NAGPA: variants seen among roughly 807,000 people sequenced by gnomAD.
The protein encoded by NAGPA is alpha-N-acetylglucosaminyl phosphodiesterase.
In NAGPA, 56 loss-of-function variants were observed where a neutral mutation model predicts 48.5. That is an observed-to-expected ratio of 1.15 (90% CI 0.93 to 1.44). The LOEUF is 1.44. Among genes scored for constraint, NAGPA ranks in the 40% most tolerant of loss-of-function variants. NAGPA has a pLI of 0.00. For missense variants in NAGPA, 888 were observed against 735.0 expected, an observed-to-expected ratio of 1.21 and a Z score of -2.41; for synonymous variants, 399 against 315.5, an observed-to-expected ratio of 1.26 and a Z score of -2.81.
At chr16:5,031,663 T>A (rs1276995423) in intron 3 of NAGPA, 82 bp downstream of exon 3, 3 of 1,583,226 alleles carry the variant, frequency 1.9e-6, no homozygotes, top group African/African-American at 2.7e-5. Flanking sequence ...TCAATACTTG[T>A]TGAAAGACTT....
rs773582869 is a variant in NAGPA at position 5,033,637 on chromosome 16, C to A, written c.178G>T (p.Glu60Ter). ...GGAGGCGGAGGCCAACTCTCGTGCT[C>A]GCGGTTGCCGGCGCGCACCCGTGTG... is the stretch of plus-strand genomic sequence containing the variant. Reference protein sequence around the residue: ...DCTRVRAGNREHESWPPPPAT... With the variant: ...DCTRVRAGNR Residue 60 changes from glutamate (E) to a stop codon, truncating the protein, a stop_gained, in exon 2 of 10, where the codon GAG (glutamate) becomes TAG (stop). Coordinates refer to ENST00000312251, the MANE Select transcript of NAGPA (RefSeq NM_016256.4). LOFTEE classifies it high-confidence loss of function. This position sits in a 1 kb window ranked among gnomAD's most constrained non-coding sequence, Gnocchi z 4.2. 5.9e-6 allele frequency: 9 copies of A among 1,535,180 alleles called. No individual in the cohort carries two copies. The Admixed American group carries it at 1.4e-4, about 24-fold the overall frequency.
chr16:5,026,477 T>G (rs1408358038), intron 9 of NAGPA, among the ~76,000 whole-genome samples: 1 of 151,746 alleles, frequency 6.6e-6, no homozygotes, highest in Non-Finnish European at 1.5e-5. Context: ...GAGGTTGTGG[T>G]GAGCTGAGAT....
intron 3 of NAGPA, 120 bp from the exon 4 acceptor site, chr16:5,030,613 T>C (rs1387216341): frequency 6.1e-6 from 5 of 824,678 alleles, no homozygotes; most frequent in South Asian, 2.9e-5. Flanking sequence ...AGCAGCCTCC[T>C]TGCTCGTCTC....
At position 5,033,235 on chromosome 16, in the gene NAGPA, C is replaced by G. The variant is rs949781692; in HGVS notation, c.542+38G>C. The G allele has an allele frequency of 6.4e-6, 10 of 1,559,216 alleles. No individual in the cohort carries two copies. The highest frequency in any genetic ancestry group is 8.6e-6 in the Non-Finnish European group (10 of 1,161,088). On this transcript the variant is annotated intron_variant, in intron 2 of 9. Transcript: ENST00000312251. This position sits in a 1 kb window ranked among gnomAD's most constrained non-coding sequence, Gnocchi z 4.2. ...ACGGCTACAACCCAAATCTCAGGCC[C>G]TCTGCCCTCGACAGCACGGGGCTCC...
intron 3 of NAGPA, chr16:5,030,925 G>T: frequency 8.8e-6 from 2 of 228,202 alleles, no homozygotes; most frequent in East Asian, 1.2e-4. Context: ...TTCCTTGACC[G>T]CCCACTCTTT....
Position 5,032,808 on chromosome 16 carries a change from G to T in NAGPA, c.542+465C>A, listed in dbSNP as rs542172113. ...GCGTGGGGTTCCTTTGGACTGAAAC[G>T]CTCTTCCTCCAGTTCTGACCTTGGC... On this transcript the variant is annotated intron_variant, in intron 2 of 9. Coordinates refer to ENST00000312251, the MANE Select transcript of NAGPA (RefSeq NM_016256.4). 7.9e-5 allele frequency among the ~76,000 whole-genome samples: 12 copies of T among 152,172 alleles called. 1 individual carries two copies. The South Asian group carries it at 2.3e-3, about 29-fold the overall frequency.
At chr16:5,028,379 G>C (rs1288581608) in intron 5 of NAGPA, 194 bp from the exon 6 acceptor site, 2 of 1,091,096 alleles carry the variant, frequency 1.8e-6, no homozygotes, top group Admixed American at 2.0e-5. Context: ...TAACCGTAAG[G>C]TGTGCACCAT....
In NAGPA at chr16:5,033,186, G is replaced by C. The variant is rs747342613; in HGVS notation, c.542+87C>G. The C allele has an allele frequency of 4.0e-5, 58 of 1,460,344 alleles. 1 individual carries two copies. In the South Asian group the frequency reaches 6.8e-4, roughly 17 times the overall value. 90.5% of individuals were successfully genotyped at this position (1,460,344 alleles called of 1,614,324 possible). A position where few individuals can be genotyped will look rare whatever the true frequency, so the allele number is the denominator to read the frequency against. On this transcript the variant is annotated intron_variant, in intron 2 of 9. Coordinates refer to ENST00000312251, the MANE Select transcript of NAGPA (RefSeq NM_016256.4). This position sits in a 1 kb window ranked among gnomAD's most constrained non-coding sequence, Gnocchi z 4.2. ...GAGGAGGAAACAGGGGCTCAGCTTGGTTAAGTGACTTGAACACGGAGGCAC... is the reference window on the plus strand; with the variant it reads ...GAGGAGGAAACAGGGGCTCAGCTTGCTTAAGTGACTTGAACACGGAGGCAC...
intron 9 of NAGPA, among the ~76,000 whole-genome samples, chr16:5,026,682 G>A (rs1956006731): frequency 6.6e-6 from 1 of 152,156 alleles, no homozygotes; most frequent in Non-Finnish European, 1.5e-5. Flanking sequence ...GATCACTTGA[G>A]CCCAGGACTG....
At chr16:5,032,587 G>A (rs1431501883) in intron 2 of NAGPA, among the ~76,000 whole-genome samples, 1 of 151,954 alleles carries the variant, frequency 6.6e-6, no homozygotes, top group Non-Finnish European at 1.5e-5. Flanking sequence ...GCTGAGGCAG[G>A]AGAATCGCTT....
At position 5,027,774 on chromosome 16, in the gene NAGPA, A is replaced by G. The variant is rs145347472; in HGVS notation, c.1174+72T>C. ...TCCCAGACCAGAAGGTGGAGACAGA[A>G]GCAGCAGAGGAGCAGTGGGGGCTGC... On this transcript the variant is annotated intron_variant, in intron 7 of 9. Coordinates refer to ENST00000312251, the MANE Select transcript of NAGPA (RefSeq NM_016256.4). 5.6e-3 allele frequency: 8,699 copies of G among 1,540,812 alleles called. 79 individuals are homozygous for G. The highest frequency in any genetic ancestry group is 0.023 in the South Asian group (1,970 of 83,876).
chr16:5,031,356 T>C (rs780495156), intron 3 of NAGPA: 11 of 319,086 alleles, frequency 3.4e-5, no homozygotes, highest in Non-Finnish European at 5.5e-5. Context: ...CATAGACTCT[T>C]GGGCCTTGCC....
chr16:5,029,118 T>G, intron 4 of NAGPA, 110 bp from the exon 5 acceptor site: 1 of 1,561,658 alleles, frequency 6.4e-7, no homozygotes, highest in South Asian at 1.1e-5. Flanking sequence ...GGCACATTTC[T>G]AAGTGGCCCC....
rs764803464 is a variant in NAGPA at position 5,027,873 on chromosome 16, C to G, written c.1147G>C (p.Gly383Arg). 7.6e-6 allele frequency: 12 copies of G among 1,580,366 alleles called. No individual in the cohort carries two copies. The highest frequency in any genetic ancestry group is 9.5e-6 in the Non-Finnish European group (11 of 1,162,980). ...CTETGCRCDAGWTGSNCSEEC... is the reference protein window; with the variant it reads ...CTETGCRCDARWTGSNCSEEC... ...TCACTGCAGTTGGACCCGGTCCATC[C>G]GGCATCACAGCGGCAGCCGGCTGCC... The change falls in exon 7 of 10, where the codon GGA (glycine) becomes CGA (arginine). Residue 383 changes from glycine to arginine, a missense_variant. Transcript: ENST00000312251.
chr16:5,027,402 G>C (rs1460364133), intron 7 of NAGPA, 23 bp from the exon 8 acceptor site: 1 of 1,510,678 alleles, frequency 6.6e-7, no homozygotes, highest in Non-Finnish European at 8.9e-7. Flanking sequence ...GATGGGAGGA[G>C]GGAGGAGGGA....
At chr16:5,032,062 G>C (rs1956110224) in intron 2 of NAGPA, among the ~76,000 whole-genome samples, 178 bp from the exon 3 acceptor site, 1 of 152,174 alleles carries the variant, frequency 6.6e-6, no homozygotes, top group African/African-American at 2.4e-5. Flanking sequence ...CCTGTTGTCA[G>C]AGCTGAAGCT....
Position 5,027,591 on chromosome 16 carries a change from C to G in NAGPA, c.1175-212G>C, listed in dbSNP as rs561756912. Among the ~76,000 whole-genome samples, 5 of 152,328 alleles carry G rather than the reference C, an allele frequency of 3.3e-5. No homozygotes were observed. In the East Asian group the frequency reaches 9.7e-4, roughly 29 times the overall value. On this transcript the variant is annotated intron_variant, in intron 7 of 9. Coordinates refer to ENST00000312251, the MANE Select transcript of NAGPA (RefSeq NM_016256.4). ...TACAGAGGCACTGCAGTTAGGATCT[C>G]AAGATAAGACCGTGCTGGATTTGAG...
intron 3 of NAGPA, 174 bp from the exon 4 acceptor site, chr16:5,030,667 G>A (rs1340804037): frequency 1.0e-5 from 7 of 676,414 alleles, no homozygotes; most frequent in Middle Eastern, 5.3e-4. Flanking sequence ...GGGCAGCCGG[G>A]GGGTCTCTTC....
In NAGPA at chr16:5,033,899, C is replaced by G; in HGVS notation, c.16G>C (p.Gly6Arg). Residue 6 changes from glycine (G) to arginine (R), a missense_variant, in exon 1 of 10, where the codon GGT (glycine) becomes CGT (arginine). Coordinates refer to ENST00000312251, the MANE Select transcript of NAGPA (RefSeq NM_016256.4). The surrounding 1 kb of genome is among the most constrained non-coding windows in gnomAD (Gnocchi z 4.2). ...GCAAGCCGGAGGAGAAGCCAGCGACCCGTGGAGGTCGCCATATTGGACCGG... is the reference window on the plus strand; with the variant it reads ...GCAAGCCGGAGGAGAAGCCAGCGACGCGTGGAGGTCGCCATATTGGACCGG... MATST[G>R]RWLLLRLALF... 2 of 1,549,144 alleles carry G rather than the reference C, an allele frequency of 1.3e-6. No individual in the cohort carries two copies. The highest frequency in any genetic ancestry group is 1.7e-6 in the Non-Finnish European group (2 of 1,146,892).
Sources: gnomAD v4.1 joint callset for allele counts (sites outside exome capture counted in the v4.1 genomes callset) on GRCh38, gnomAD v4.1.1 for gene constraint, Gnocchi (gnomAD v3.1) non-coding constraint, MANE v1.5 for transcripts, NCBI Gene and HGNC (gene_info 2026-07-23, HGNC 2026-07-21) for gene names.